WNK1: variants seen among roughly 807,000 people sequenced by gnomAD.
WNK1 encodes serine/threonine-protein kinase WNK1.
A neutral mutation model predicts 222.8 loss-of-function variants in WNK1; 38 were observed. The observed-to-expected ratio is 0.17, with a 90% CI of 0.13 to 0.22. WNK1 has a LOEUF of 0.22. WNK1 is among the 10% of genes least tolerant of loss of function. WNK1 has a pLI of 1.00. For missense variants in WNK1, 2,348 were observed against 2,918.4 expected (o/e 0.80, Z 4.50); for synonymous variants, 1,090 against 1,092.9 (o/e 1.00, Z 0.05).
rs868234287 is a variant in WNK1 at position 896,263 on chromosome 12, C to T, written c.5776C>T (p.His1926Tyr). 6.2e-7 allele frequency: 1 copy of T among 1,614,160 alleles called. No individual in the cohort carries two copies. Among genetic ancestry groups the T allele is most frequent in the East Asian group, 2.2e-5 (1 of 44,882 alleles). The change falls in exon 24 of 28, where the codon CAC (histidine) becomes TAC (tyrosine). Residue 1926 changes from histidine to tyrosine, a missense_variant. Coordinates refer to ENST00000315939, the MANE Select transcript of WNK1 (RefSeq NM_018979.4). The stretch of plus-strand genomic sequence containing the variant: ...CTCTTCAGATGTGCCAGAGAGTGCC[C>T]ACAAAACTACTGCCTCAGAGGCAAA... ...GISSDVPESAHKTTASEAKSD... is the reference protein window; with the variant it reads ...GISSDVPESAYKTTASEAKSD...
intron 4 of WNK1, among the ~76,000 whole-genome samples, chr12:851,167 T>C (rs1010673316): frequency 6.6e-6 from 1 of 152,190 alleles, no homozygotes; most frequent in African/African-American, 2.4e-5. Context: ...AGCCCCAGTA[T>C]TGTGATTCCC....
chr12:845,782 A>G (rs2154050178), intron 4 of WNK1, among the ~76,000 whole-genome samples: 1 of 152,340 alleles, frequency 6.6e-6, no homozygotes, highest in East Asian at 1.9e-4. Context: ...TTTTATGTTA[A>G]CCAGTGACAT....
intron 19 of WNK1, 37 bp downstream of exon 19, chr12:886,121 A>G (rs1178695622): frequency 4.8e-6 from 7 of 1,450,734 alleles, no homozygotes; most frequent in Non-Finnish European, 6.4e-6. Context: ...GATAAATATG[A>G]TCAGTTTTTT....
intron 1 of WNK1, among the ~76,000 whole-genome samples, chr12:804,756 G>A (rs1946204141): frequency 6.6e-6 from 1 of 151,740 alleles, no homozygotes; most frequent in African/African-American, 2.4e-5. Context: ...TCTACTTTCT[G>A]TCTCTGTGAA....
At chr12:788,335 C>T (rs1026143404) in intron 1 of WNK1, among the ~76,000 whole-genome samples, 1 of 151,724 alleles carries the variant, frequency 6.6e-6, no homozygotes, top group African/African-American at 2.4e-5. Context: ...AAAAAAGCTA[C>T]TGTGTGTAAT....
At chr12:899,356 A>C (rs995338207) in intron 25 of WNK1, among the ~76,000 whole-genome samples, 1 of 151,614 alleles carries the variant, frequency 6.6e-6, no homozygotes, top group Non-Finnish European at 1.5e-5. Flanking sequence ...TCAACCTCCA[A>C]CTCCCAGGTT....
rs1012350467 is a variant in WNK1 at position 856,289 on chromosome 12, A to G, written c.1312-872A>G. Among the ~76,000 whole-genome samples the G allele has an allele frequency of 4.6e-5, 7 of 151,672 alleles. No homozygotes were observed. The East Asian group carries it at 1.2e-3, about 26-fold the overall frequency. On this transcript the variant is annotated intron_variant, in intron 4 of 27. Transcript: ENST00000315939. The stretch of plus-strand genomic sequence containing the variant: ...ATGGAGAAACCCCCATCCCATCTGT[A>G]CTAAAAATACAAAAATTAGCTGGGC...
At chr12:899,019 C>G (rs1012381857) in intron 25 of WNK1, among the ~76,000 whole-genome samples, 1 of 152,146 alleles carries the variant, frequency 6.6e-6, no homozygotes, top group Non-Finnish European at 1.5e-5. Context: ...GGATTACAGG[C>G]GTGAGCCACC....
Position 754,022 on chromosome 12 carries a change from C to T in WNK1, c.457C>T (p.Pro153Ser), listed in dbSNP as rs1939588714. 1.9e-6 allele frequency: 3 copies of T among 1,588,314 alleles called. No individual in the cohort carries two copies. The highest frequency in any genetic ancestry group is 1.3e-5 in the African/African-American group (1 of 74,394). The change falls in exon 1 of 28, where the codon CCC (proline) becomes TCC (serine). Residue 153 changes from proline to serine, a missense_variant. By Grantham distance (74) the Pro-to-Ser change is moderately conservative. This residue lies in a region of WNK1 where 185 missense variants were observed against 159.2 expected (regional missense o/e 1.16). Transcript: ENST00000315939. The part of the protein sequence containing the change: ...PGEQAVAGPA[P>S]STVPSSTSKD... ...GGAACAGGCCGTCGCGGGCCCTGCC[C>T]CCTCGACTGTCCCCAGCAGTACCAG...
chr12:850,672 A>G (rs1042279782), intron 4 of WNK1, among the ~76,000 whole-genome samples: 65 of 152,300 alleles, frequency 4.3e-4, no homozygotes, highest in Non-Finnish European at 8.1e-4. Context: ...GGTACTGCCT[A>G]GGTTTTCTTC....
In WNK1 at chr12:861,023, G is replaced by C; in HGVS notation, c.1631G>C (p.Gly544Ala). Residue 544 changes from glycine to alanine, a missense_variant, in exon 7 of 28, where the codon GGG (glycine) becomes GCG (alanine). Coordinates refer to ENST00000315939, the MANE Select transcript of WNK1 (RefSeq NM_018979.4). ...EDVAQEMVES[G>A]YVCEGDHKTM... ...CCTTTTATTCTGTAGGTAGAGTCTG[G>C]GTATGTCTGTGAAGGTGATCACAAG... 1 of 1,613,412 alleles carries C rather than the reference G, an allele frequency of 6.2e-7. No homozygotes were observed. Among genetic ancestry groups the C allele is most frequent in the Non-Finnish European group, 8.5e-7 (1 of 1,179,862 alleles).
intron 4 of WNK1, among the ~76,000 whole-genome samples, chr12:846,136 A>G (rs751860726): frequency 6.6e-6 from 1 of 152,192 alleles, no homozygotes; most frequent in African/African-American, 2.4e-5. Flanking sequence ...ACCGCAAGGA[A>G]AACTGAGGGT....
At chr12:762,259 CA>C (rs1220103942) in intron 1 of WNK1, among the ~76,000 whole-genome samples, 1 of 146,142 alleles carries the variant, frequency 6.8e-6, no homozygotes, top group African/African-American at 2.4e-5. Context: ...GGGGTTTCAT[CA>C]CGTTGGCCAG....
At chr12:766,335 T>G (rs1408528061) in intron 1 of WNK1, among the ~76,000 whole-genome samples, 1 of 152,172 alleles carries the variant, frequency 6.6e-6, no homozygotes, top group African/African-American at 2.4e-5. Flanking sequence ...TTTAAATGAA[T>G]AAGTTCAGGG....
In WNK1 at chr12:909,710, A is replaced by G. The variant is rs1017233980; in HGVS notation, c.*918A>G. On this transcript the variant is annotated 3_prime_UTR_variant, in exon 28 of 28. Coordinates refer to ENST00000315939, the MANE Select transcript of WNK1 (RefSeq NM_018979.4). Reference sequence around the variant, plus strand: ...GGACATTTTAGTGCCTTGGACTTCTATTGCTTCTGCCATTAGCATCAACTT... The same window carrying G: ...GGACATTTTAGTGCCTTGGACTTCTGTTGCTTCTGCCATTAGCATCAACTT... 6.6e-6 allele frequency: 1 copy of G among 152,164 alleles called. No individual in the cohort carries two copies. Among genetic ancestry groups the G allele is most frequent in the Non-Finnish European group, 1.5e-5 (1 of 68,038 alleles). The allele number at this position is 152,164 out of a possible 1,614,324, so 9.4% of individuals were successfully genotyped here.
At chr12:853,862 G>A (rs532289281) in intron 4 of WNK1, among the ~76,000 whole-genome samples, 49 of 151,912 alleles carry the variant, frequency 3.2e-4, no homozygotes, top group Non-Finnish European at 5.9e-4. Flanking sequence ...ATGATCCTCT[G>A]GCCCAGCCTC....
chr12:885,355 T>G lies in WNK1; in HGVS notation c.4551T>G (p.Thr1517=). Residue 1517 remains threonine, a synonymous_variant, in exon 19 of 28, where the codon ACT becomes ACG. Coordinates refer to ENST00000315939, the MANE Select transcript of WNK1 (RefSeq NM_018979.4). ...TTAGCAGCAGTACTTCTACTCCTAC[T>G]TTAGCTGAAACCGTGGTAGTTAGCG... is the stretch of plus-strand genomic sequence containing the variant. The part of the protein sequence containing the change: ...IQLSSSTSTP[T]LAETVVVSAH... 6.2e-7 allele frequency: 1 copy of G among 1,614,012 alleles called. No individual in the cohort carries two copies. The highest frequency in any genetic ancestry group is 8.5e-7 in the Non-Finnish European group (1 of 1,180,020).
chr12:792,047 T>C (rs2153981564), intron 1 of WNK1, among the ~76,000 whole-genome samples: 1 of 152,284 alleles, frequency 6.6e-6, no homozygotes, highest in African/African-American at 2.4e-5. Context: ...CATGTAGACC[T>C]AAATACAGAA....
intron 1 of WNK1, among the ~76,000 whole-genome samples, chr12:758,785 G>A (rs975324622): frequency 5.5e-5 from 8 of 146,762 alleles, no homozygotes; most frequent in Admixed American, 1.4e-4. Context: ...CAAAGTCACC[G>A]ATTAGGAGTA....
Sources: gnomAD v4.1 joint callset for allele counts (sites outside exome capture counted in the v4.1 genomes callset) on GRCh38, gnomAD v4.1.1 for gene constraint, gnomAD v4.1.1 regional missense constraint, MANE v1.5 for transcripts, NCBI Gene and HGNC (gene_info 2026-07-23, HGNC 2026-07-21) for gene names.